VAV1: variants seen among roughly 807,000 people sequenced by gnomAD.
VAV1 encodes the protein vav guanine nucleotide exchange factor 1, also known as proto-oncogene vav.
VAV1 carries 33 observed loss-of-function variants against 128.1 expected under a neutral mutation model. The observed-to-expected ratio is 0.26, with a 90% CI of 0.20 to 0.34. The LOEUF (loss-of-function observed/expected upper bound fraction) is 0.34. Among genes scored for constraint, VAV1 ranks in the 10% least tolerant of loss-of-function variants. VAV1 has a pLI of 1.00. For synonymous variants in VAV1, 394 were observed against 409.8 expected (o/e 0.96, Z 0.47); for missense variants, 715 against 1,093.7 (o/e 0.65, Z 4.88).
chr19:6,832,009 C>T lies in VAV1; in HGVS notation c.1399-82C>T, dbSNP rs545043359. On this transcript the variant is annotated intron_variant, in intron 14 of 26. Coordinates refer to ENST00000602142, the MANE Select transcript of VAV1 (RefSeq NM_005428.4). ...AGACTGTCATGGGCTTGCCTGTTCC[C>T]TACAGAGGGAGGGGTGGGTGGGTGT... The T allele has an allele frequency of 4.6e-5, 54 of 1,179,044 alleles. No individual in the cohort carries two copies. In the East Asian group the frequency reaches 1.3e-3, roughly 28 times the overall value. 73.0% of individuals were successfully genotyped at this position (1,179,044 alleles called of 1,614,324 possible). A position where few individuals can be genotyped will look rare whatever the true frequency, so the allele number is the denominator to read the frequency against.
chr19:6,822,096 C>A lies in VAV1; in HGVS notation c.450-125C>A. ...GCCCTGGAGCTTGGAGGGACATGGC[C>A]TGCCCTTGGAGTCTGAGGTCCCACC... On this transcript the variant is annotated intron_variant, in intron 4 of 26. Transcript: ENST00000602142. This position sits in a 1 kb window ranked among gnomAD's most constrained non-coding sequence, Gnocchi z 5.9. 9.3e-7 allele frequency: 1 copy of A among 1,069,674 alleles called. No individual in the cohort carries two copies. The highest frequency in any genetic ancestry group is 1.4e-6 in the Non-Finnish European group (1 of 729,230). The allele number at this position is 1,069,674 out of a possible 1,614,324, so 66.3% of individuals were successfully genotyped here.
intron 1 of VAV1, among the ~76,000 whole-genome samples, chr19:6,800,791 T>TG (rs777366043): frequency 0.023 from 1,275 of 55,608 alleles, 13 homozygotes; most frequent in African/African-American, 0.044. Flanking sequence ...CTGGCAAATT[T>TG]TTGTGTGTGT....
chr19:6,853,101 G>A (rs754996497), intron 25 of VAV1, 22 bp downstream of exon 25: 6 of 1,605,060 alleles, frequency 3.7e-6, no homozygotes, highest in African/African-American at 2.7e-5. Flanking sequence ...CAGACTGGGG[G>A]CTTACAGCCT....
intron 21 of VAV1, among the ~76,000 whole-genome samples, chr19:6,842,295 T>C (rs9973214): frequency 0.028 from 4,304 of 152,240 alleles, 188 homozygotes; most frequent in African/African-American, 0.092. Flanking sequence ...AGCACTTTCA[T>C]CCATATTTAG....
intron 24 of VAV1, among the ~76,000 whole-genome samples, chr19:6,851,342 TTA>T (rs200036501): frequency 2.7e-5 from 4 of 149,046 alleles, no homozygotes; most frequent in African/African-American, 1.0e-4. Context: ...CTGGCTAATT[TTA>T]AAAAAAAATT....
chr19:6,775,188 T>C (rs956680863), intron 1 of VAV1, among the ~76,000 whole-genome samples: 5 of 152,146 alleles, frequency 3.3e-5, no homozygotes, highest in Non-Finnish European at 5.9e-5. Context: ...CATCCCAGCT[T>C]TGCCTACATT....
chr19:6,832,966 C>T (rs1972121891), intron 15 of VAV1, among the ~76,000 whole-genome samples: 1 of 152,254 alleles, frequency 6.6e-6, no homozygotes, highest in Admixed American at 6.6e-5. Flanking sequence ...TCCCCGCTCT[C>T]GCAGCCCCTG....
intron 14 of VAV1, among the ~76,000 whole-genome samples, chr19:6,831,062 C>T (rs543016980): frequency 3.2e-4 from 49 of 152,122 alleles, no homozygotes; most frequent in Non-Finnish European, 6.5e-4. Context: ...ACAGCTAGGA[C>T]CACAGAGTGA....
chr19:6,814,198 T>C (rs1324669434), intron 1 of VAV1, among the ~76,000 whole-genome samples: 2 of 152,226 alleles, frequency 1.3e-5, no homozygotes, highest in Non-Finnish European at 2.9e-5. Context: ...CTATGGTCAA[T>C]AGTATCCTTT....
intron 1 of VAV1, among the ~76,000 whole-genome samples, chr19:6,817,056 T>G (rs1034158174): frequency 6.6e-6 from 1 of 151,978 alleles, no homozygotes; most frequent in Non-Finnish European, 1.5e-5. Context: ...ATGCATTTTT[T>G]TTTTCTTTTG....
intron 1 of VAV1, among the ~76,000 whole-genome samples, chr19:6,795,146 G>A (rs186133366): frequency 6.6e-6 from 1 of 152,186 alleles, no homozygotes; most frequent in Admixed American, 6.6e-5. Flanking sequence ...AGCAGTTTTC[G>A]TAACAAGAAG....
intron 1 of VAV1, among the ~76,000 whole-genome samples, chr19:6,810,067 C>T (rs983909108): frequency 3.3e-5 from 5 of 152,054 alleles, no homozygotes; most frequent in African/African-American, 9.7e-5. Context: ...GTAGTCCCAA[C>T]ACTCAGGAGG....
chr19:6,806,791 A>G (rs563377139), intron 1 of VAV1, among the ~76,000 whole-genome samples: 1 of 152,362 alleles, frequency 6.6e-6, no homozygotes, highest in Non-Finnish European at 1.5e-5. Flanking sequence ...CCATGTTGCT[A>G]GAAGAGAAAG....
rs766892501 is a variant in VAV1, at chr19:6,850,746, C to T, written c.2206C>T (p.Arg736Trp). The T allele has an allele frequency of 2.5e-6, 4 of 1,613,828 alleles. No individual in the cohort carries two copies. Among genetic ancestry groups the T allele is most frequent in the Non-Finnish European group, 2.5e-6 (3 of 1,179,978 alleles). ...CCGGATCACAGAGAAAAAGGCTTTC[C>T]GGGGGCTTACGGTAAGGGTCAATGT... Reference protein sequence around the residue: ...LYRITEKKAFRGLTELVEFYQ... With the variant: ...LYRITEKKAFWGLTELVEFYQ... The change falls in exon 24 of 27, where the codon CGG becomes TGG. Residue 736 changes from arginine to tryptophan, a missense_variant. Arg to Trp is a moderately radical substitution (Grantham distance 101). Coordinates refer to ENST00000602142, the MANE Select transcript of VAV1 (RefSeq NM_005428.4).
Position 6,826,616 on chromosome 19 carries a change from C to A in VAV1, c.832C>A (p.Leu278Ile). 2 of 1,553,264 alleles carry A rather than the reference C, an allele frequency of 1.3e-6. No individual in the cohort carries two copies. Among genetic ancestry groups the A allele is most frequent in the Non-Finnish European group, 1.7e-6 (2 of 1,148,476 alleles). The change falls in exon 9 of 27, where the codon CTC becomes ATC. Residue 278 changes from leucine to isoleucine, a missense_variant. Leu to Ile is a conservative substitution (Grantham distance 5). Around this residue, in one of 3 missense-constraint regions of VAV1, gnomAD observed 302 missense variants for 477.8 expected, o/e 0.63. Transcript: ENST00000602142. The surrounding 1 kb of genome is among the most constrained non-coding windows in gnomAD (Gnocchi z 4.1). ...TGGCCTGTCTTCTCCCTGTAGGTTC[C>A]TCGTCTATGGCCGCTACTGCAGCCA... The part of the protein sequence containing the change: ...QVFIKYKERF[L>I]VYGRYCSQVE...
intron 19 of VAV1, among the ~76,000 whole-genome samples, chr19:6,834,392 T>G (rs982325210): frequency 6.6e-6 from 1 of 151,194 alleles, no homozygotes; most frequent in Non-Finnish European, 1.5e-5. Flanking sequence ...TATAGGCACA[T>G]GTCACCACGC....
intron 22 of VAV1, among the ~76,000 whole-genome samples, chr19:6,845,920 A>G (rs1200102436): frequency 1.3e-5 from 2 of 148,492 alleles, no homozygotes; most frequent in African/African-American, 4.9e-5. Context: ...CATATTCTAG[A>G]GAATTAACAT....
At chr19:6,811,122 G>T (rs12327646) in intron 1 of VAV1, among the ~76,000 whole-genome samples, 2 of 151,990 alleles carry the variant, frequency 1.3e-5, no homozygotes, top group Admixed American at 1.3e-4. Flanking sequence ...TGCAGCCTCC[G>T]CCTTCCAGGT....
chr19:6,784,464 G>T (rs1970840443), intron 1 of VAV1, among the ~76,000 whole-genome samples: 1 of 151,324 alleles, frequency 6.6e-6, no homozygotes, highest in South Asian at 2.1e-4. Flanking sequence ...TCAGCACTTG[G>T]CACCATCCCT....
Sources: allele counts gnomAD v4.1 joint callset (sites outside exome capture counted in the v4.1 genomes callset), GRCh38; gene constraint gnomAD v4.1.1; regional missense constraint gnomAD v4.1.1; non-coding constraint Gnocchi (gnomAD v3.1); transcripts MANE v1.5; gene names NCBI Gene and HGNC (gene_info 2026-07-23, HGNC 2026-07-21).